Variants in CDCA7L observed in about 807,000 individuals in gnomAD.
CDCA7L encodes cell division cycle-associated 7-like protein.
CDCA7L carries 44 observed loss-of-function variants against 57.4 expected under a neutral mutation model. That is an observed-to-expected ratio of 0.77 (90% CI 0.60 to 0.98). The LOEUF is 0.98. Ranked by LOEUF, CDCA7L falls within the 50% of genes least tolerant of loss-of-function variation. CDCA7L has a pLI of 0.00. For synonymous variants in CDCA7L, 236 were observed against 202.8 expected (o/e 1.16, Z -1.39); for missense variants, 644 against 580.6 (o/e 1.11, Z -1.12).
rs547794102 is a variant in CDCA7L at position 21,900,904 on chromosome 7, C to CAAAACCA, written c.*1411_*1417dup. ...ATACCACTGACAAGCAAAAATATGA[C>CAAAACCA]AAAACCAGAATGTTGAATGTTTATT... is the stretch of plus-strand genomic sequence containing the variant. On this transcript the variant is annotated 3_prime_UTR_variant, in exon 10 of 10. Transcript: ENST00000406877. 3.8e-5 allele frequency: 56 copies of CAAAACCA among 1,476,236 alleles called. No individual in the cohort carries two copies. The East Asian group carries it at 8.9e-4, about 23-fold the overall frequency. The allele number at this position is 1,476,236 out of a possible 1,614,324, so 91.4% of individuals were successfully genotyped here. A position where few individuals can be genotyped will look rare whatever the true frequency, so the allele number is the denominator to read the frequency against.
chr7:21,920,905 C>A (rs192627417), intron 1 of CDCA7L, among the ~76,000 whole-genome samples: 11 of 152,300 alleles, frequency 7.2e-5, no homozygotes, highest in Admixed American at 3.9e-4. Context: ...GTGTCAATTT[C>A]AGTCTTTTTC....
intron 2 of CDCA7L, among the ~76,000 whole-genome samples, chr7:21,914,994 A>G (rs1785435466): frequency 1.3e-5 from 2 of 152,108 alleles, no homozygotes; most frequent in African/African-American, 4.8e-5. Flanking sequence ...GGTGGATCCA[A>G]CAGGCTCTGC....
intron 1 of CDCA7L, among the ~76,000 whole-genome samples, chr7:21,927,009 A>T (rs904068129): frequency 2.0e-5 from 3 of 152,216 alleles, no homozygotes; most frequent in African/African-American, 4.8e-5. Context: ...CAGGGTCAGA[A>T]CATACCCAGC....
chr7:21,904,311 A>G (rs756731618), intron 7 of CDCA7L, 52 bp from the exon 8 acceptor site: 6 of 1,479,666 alleles, frequency 4.1e-6, no homozygotes, highest in Non-Finnish European at 4.5e-6. Flanking sequence ...CTGATGCCCA[A>G]TGAGGCCAGA....
Position 21,903,071 on chromosome 7 carries a change from T to G in CDCA7L, c.1241A>C (p.Tyr414Ser), listed in dbSNP as rs879754457. The G allele has an allele frequency of 3.3e-5, 54 of 1,613,868 alleles. No individual in the cohort carries two copies. The highest frequency in any genetic ancestry group is 4.3e-5 in the Non-Finnish European group (51 of 1,179,926). ...ACAGCGGCCGTCACGCTTCCGACAG[T>G]AGCTGCAATTGCAGATCCCACGACA... The part of the protein sequence containing the change: ...PPCRGICNCS[Y>S]CRKRDGRCAT... Residue 414 changes from tyrosine to serine, a missense_variant, in exon 9 of 10, where the codon TAC (tyrosine) becomes TCC (serine). By Grantham distance (144) the Tyr-to-Ser change is moderately radical (BLOSUM62 -2). Coordinates refer to ENST00000406877, the MANE Select transcript of CDCA7L (RefSeq NM_018719.5).
chr7:21,923,087 A>G (rs995247457), intron 1 of CDCA7L, among the ~76,000 whole-genome samples: 2 of 152,238 alleles, frequency 1.3e-5, no homozygotes, highest in Admixed American at 6.5e-5. Context: ...TGGAATTTAA[A>G]TATGCTTAAC....
At chr7:21,939,881 T>C (rs1196984188) in intron 1 of CDCA7L, among the ~76,000 whole-genome samples, 1 of 141,030 alleles carries the variant, frequency 7.1e-6, no homozygotes, top group African/African-American at 2.7e-5. Context: ...AAAACTGAAA[T>C]AGGAGCACCC....
chr7:21,926,015 A>G (rs961936559), intron 1 of CDCA7L, among the ~76,000 whole-genome samples: 2 of 152,300 alleles, frequency 1.3e-5, no homozygotes, highest in Admixed American at 1.3e-4. Flanking sequence ...TAGGCAGGAT[A>G]GCTTAAGTCC....
chr7:21,929,579 C>T (rs1785938978), intron 1 of CDCA7L, among the ~76,000 whole-genome samples: 1 of 122,120 alleles, frequency 8.2e-6, no homozygotes, highest in Non-Finnish European at 1.6e-5. Context: ...CCCAAAGACA[C>T]ACATAGGCTC....
At chr7:21,936,852 T>C (rs1474936720) in intron 1 of CDCA7L, among the ~76,000 whole-genome samples, 1 of 152,054 alleles carries the variant, frequency 6.6e-6, no homozygotes, top group East Asian at 1.9e-4. Context: ...CGCATCCAAA[T>C]TGGAAAGGAA....
chr7:21,905,467 T>G, intron 7 of CDCA7L, 39 bp downstream of exon 7: 1 of 1,603,998 alleles, frequency 6.2e-7, no homozygotes, highest in African/African-American at 1.3e-5. Context: ...ACCAATGCCT[T>G]CGACTCCCAA....
At chr7:21,929,642 A>AG in intron 1 of CDCA7L, among the ~76,000 whole-genome samples, 1 of 150,044 alleles carries the variant, frequency 6.7e-6, no homozygotes, top group Admixed American at 6.6e-5. Context: ...AAAAAAAAAA[A>AG]AAAAAAAAAA....
At chr7:21,903,822 G>A (rs893974709) in intron 8 of CDCA7L, 15 of 272,260 alleles carry the variant, frequency 5.5e-5, no homozygotes, top group Non-Finnish European at 1.4e-5. Flanking sequence ...TCACTTTGCT[G>A]AAGGACAGGT....
chr7:21,917,525 G>T (rs1785522492), intron 1 of CDCA7L, among the ~76,000 whole-genome samples: 1 of 152,136 alleles, frequency 6.6e-6, no homozygotes, highest in African/African-American at 2.4e-5. Context: ...GTTCATTTTT[G>T]TAAGTTGACT....
chr7:21,939,023 T>A lies in CDCA7L; in HGVS notation c.24+6758A>T, dbSNP rs1036086108. On this transcript the variant is annotated intron_variant, in intron 1 of 9. Coordinates refer to ENST00000406877, the MANE Select transcript of CDCA7L (RefSeq NM_018719.5). The stretch of plus-strand genomic sequence containing the variant: ...GACCCTGTCTCAAAAGAGAAATAAT[T>A]GAAAAAAAATTCTGATACATACTAT... Among the ~76,000 whole-genome samples, 5 of 151,786 alleles carry A rather than the reference T, an allele frequency of 3.3e-5. No homozygotes were observed. The South Asian group carries it at 1.0e-3, about 32-fold the overall frequency.
chr7:21,945,793 C>A lies in CDCA7L; in HGVS notation c.12G>T (p.Ala4=). 1 of 1,600,206 alleles carries A rather than the reference C, an allele frequency of 6.2e-7. No homozygotes were observed. The highest frequency in any genetic ancestry group is 1.1e-5 in the South Asian group (1 of 88,970). Residue 4 remains alanine, a synonymous_variant, in exon 1 of 10, where the codon GCG becomes GCT. Coordinates refer to ENST00000406877, the MANE Select transcript of CDCA7L (RefSeq NM_018719.5). MEL[A]TRYQIPKEVA... ...GCCGGACCCTCACCTGGTAGCGAGT[C>A]GCCAACTCCATTCTTCCTAACCGGG...
At position 21,905,379 on chromosome 7, in the gene CDCA7L, C is replaced by T. The variant is rs541904748; in HGVS notation, c.1047+127G>A. ...CAGGTACAGCTGACTTTTGACCCTC[C>T]AATTCAGAGCCTGGCTCTGAGCCCT... is the stretch of plus-strand genomic sequence containing the variant. On this transcript the variant is annotated intron_variant, in intron 7 of 9. Transcript: ENST00000406877. The T allele has an allele frequency of 1.3e-4, 142 of 1,062,616 alleles. No individual in the cohort carries two copies. In the African/African-American group the frequency reaches 2.1e-3, roughly 16 times the overall value. The allele number at this position is 1,062,616 out of a possible 1,614,324, so 65.8% of individuals were successfully genotyped here. A position where few individuals can be genotyped will look rare whatever the true frequency, so the allele number is the denominator to read the frequency against.
At position 21,905,567 on chromosome 7, in the gene CDCA7L, G is replaced by C; in HGVS notation, c.986C>G (p.Thr329Ser). 1 of 1,613,924 alleles carries C rather than the reference G, an allele frequency of 6.2e-7. No individual in the cohort carries two copies. The highest frequency in any genetic ancestry group is 8.5e-7 in the Non-Finnish European group (1 of 1,179,930). The part of the protein sequence containing the change: ...ISSFRPVEDI[T>S]EEDLENVAIT... Reference sequence around the variant, plus strand: ...GGCAACATTTTCTAAGTCCTCTTCGGTGATATCCTCCACTGGCCGAAAAGA... The same window carrying C: ...GGCAACATTTTCTAAGTCCTCTTCGCTGATATCCTCCACTGGCCGAAAAGA... The change falls in exon 7 of 10, where the codon ACC (threonine) becomes AGC (serine). Residue 329 changes from threonine to serine, a missense_variant. Physicochemically the swap from Thr to Ser is moderately conservative, Grantham distance 58. Transcript: ENST00000406877.
At chr7:21,930,973 A>C (rs563581247) in intron 1 of CDCA7L, among the ~76,000 whole-genome samples, 5 of 152,332 alleles carry the variant, frequency 3.3e-5, no homozygotes, top group Admixed American at 6.5e-5. Flanking sequence ...ACAGAAATAC[A>C]AACTACCATC....
Sources: allele counts gnomAD v4.1 joint callset (sites outside exome capture counted in the v4.1 genomes callset), GRCh38; gene constraint gnomAD v4.1.1; transcripts MANE v1.5; gene names NCBI Gene and HGNC (gene_info 2026-07-23, HGNC 2026-07-21).